TG: variants seen among roughly 807,000 people sequenced by gnomAD.
TG encodes the protein thyroglobulin, also known as thyroid hormones.
In TG, 270 loss-of-function variants were observed where a neutral mutation model predicts 324.7. The observed-to-expected ratio is 0.83, with a 90% CI of 0.75 to 0.92. TG has a LOEUF of 0.92. Among genes scored for constraint, TG ranks in the 40% least tolerant of loss-of-function variants. The probability of loss-of-function intolerance (pLI) is 0.00; values close to 1 mark genes in which losing one functional copy is unlikely to be tolerated. For missense variants in TG, 3,591 were observed against 3,456.4 expected, an observed-to-expected ratio of 1.04 and a Z score of -0.98; for synonymous variants, 1,401 against 1,327.0, an observed-to-expected ratio of 1.06 and a Z score of -1.21.
At chr8:133,069,611 A>C (rs1843646888) in intron 41 of TG, among the ~76,000 whole-genome samples, 1 of 152,174 alleles carries the variant, frequency 6.6e-6, no homozygotes, top group African/African-American at 2.4e-5. Flanking sequence ...CCCCTACTGG[A>C]CTATAAGTGC....
At position 132,888,407 on chromosome 8, in the gene TG, T is replaced by C; in HGVS notation, c.2600T>C (p.Leu867Pro). The change falls in exon 10 of 48, where the codon CTC becomes CCC. Residue 867 changes from leucine (L) to proline (P), a missense_variant. By Grantham distance (98) the Leu-to-Pro change is moderately conservative (BLOSUM62 -3). Transcript: ENST00000220616. ...PRENILLEPY[L>P]FWQILNGQLS... ...GAGAATATCCTCCTGGAGCCCTACC[T>C]CTTCTGGCAGATCTTAAATGGCCAA... 1 of 1,613,778 alleles carries C rather than the reference T, an allele frequency of 6.2e-7. No homozygotes were observed. Among genetic ancestry groups the C allele is most frequent in the Non-Finnish European group, 8.5e-7 (1 of 1,179,760 alleles).
intron 24 of TG, among the ~76,000 whole-genome samples, chr8:132,935,194 A>G (rs190189654): frequency 6.7e-6 from 1 of 149,564 alleles, no homozygotes; most frequent in Non-Finnish European, 1.5e-5. Context: ...AGGCTGGAGT[A>G]CAGTGGTGCA....
intron 11 of TG, among the ~76,000 whole-genome samples, chr8:132,895,587 G>T (rs912979245): frequency 1.3e-5 from 2 of 152,190 alleles, no homozygotes; most frequent in African/African-American, 2.4e-5. Flanking sequence ...CATCCTTATT[G>T]CTTTCTTCCT....
At chr8:132,984,045 G>A (rs1272521074) in intron 35 of TG, among the ~76,000 whole-genome samples, 2 of 152,234 alleles carry the variant, frequency 1.3e-5, no homozygotes, top group African/African-American at 4.8e-5. Context: ...ATGGGGGTGA[G>A]GTGGAGGGGT....
At chr8:133,057,643 G>A (rs1214930691) in intron 41 of TG, among the ~76,000 whole-genome samples, 1 of 152,106 alleles carries the variant, frequency 6.6e-6, no homozygotes, top group Non-Finnish European at 1.5e-5. Context: ...AGCTCAGTGA[G>A]GGCCTTCTGC....
chr8:133,116,517 A>C (rs1850703940), intron 44 of TG, 92 bp from the exon 45 acceptor site: 3 of 1,201,214 alleles, frequency 2.5e-6, no homozygotes, highest in South Asian at 1.2e-5. Context: ...TTGGGGGCCC[A>C]GGGGGCCCCT....
chr8:132,953,468 A>G (rs1826401021), intron 27 of TG, among the ~76,000 whole-genome samples: 1 of 152,228 alleles, frequency 6.6e-6, no homozygotes, highest in Admixed American at 6.5e-5. Flanking sequence ...ACCTTAGTGG[A>G]CTGACAGGGA....
Position 132,886,885 on chromosome 8 carries a change from G to C in TG, c.1513G>C (p.Gly505Arg), listed in dbSNP as rs1587248390. 6.2e-7 allele frequency: 1 copy of C among 1,614,110 alleles called. No homozygotes were observed. Among genetic ancestry groups the C allele is most frequent in the East Asian group, 2.2e-5 (1 of 44,872 alleles). Residue 505 changes from glycine to arginine, a missense_variant, in exon 9 of 48, where the codon GGT becomes CGT. Physicochemically the swap from Gly to Arg is moderately radical, Grantham distance 125. Transcript: ENST00000220616. Reference protein sequence around the residue: ...FNFSQFFQQLGLASFLNGGRQ... With the variant: ...FNFSQFFQQLRLASFLNGGRQ... ...CTTCAGTCAATTTTTCCAGCAACTT[G>C]GTCTTGCAAGCTTCTTGAATGGAGG...
In TG at chr8:132,866,981, T is replaced by A. The variant is rs557028834; in HGVS notation, c.-20T>A. The A allele has an allele frequency of 1.9e-6, 3 of 1,578,886 alleles. No homozygotes were observed. Among genetic ancestry groups the A allele is most frequent in the East Asian group, 2.3e-5 (1 of 43,212 alleles). On this transcript the variant is annotated 5_prime_UTR_variant, in exon 1 of 48. Transcript: ENST00000220616. ...GCAAGCAGTGGTTTCTCCTCCTTCC[T>A]CCCAGGAAGGGCCAGGAAAATGGCC...
intron 2 of TG, among the ~76,000 whole-genome samples, chr8:132,868,844 G>T (rs1384612281): frequency 1.3e-5 from 2 of 152,196 alleles, no homozygotes; most frequent in Non-Finnish European, 2.9e-5. Flanking sequence ...GAATAGACAG[G>T]AATCCTTTGC....
At chr8:133,128,514 G>C (rs1002171357) in intron 45 of TG, among the ~76,000 whole-genome samples, 3 of 152,018 alleles carry the variant, frequency 2.0e-5, no homozygotes. Flanking sequence ...ACACCCACTC[G>C]ATCTATGAGC....
intron 28 of TG, 24 bp from the exon 29 acceptor site, chr8:132,962,970 A>C: frequency 6.2e-7 from 1 of 1,611,768 alleles, no homozygotes; most frequent in Non-Finnish European, 8.5e-7. Context: ...CCAACATTGC[A>C]ACAACTCTTT....
chr8:132,988,637 T>A (rs141532260), intron 35 of TG: 2 of 904,442 alleles, frequency 2.2e-6, no homozygotes, highest in Non-Finnish European at 2.6e-6. Context: ...GGATAAAAAT[T>A]GTTTTATAAA....
chr8:132,897,902 T>A, intron 12 of TG, 116 bp downstream of exon 12: 1 of 1,312,866 alleles, frequency 7.6e-7, no homozygotes, highest in Non-Finnish European at 1.1e-6. Flanking sequence ...CTTTAGCAGC[T>A]GGTGAAAAAT....
chr8:133,049,405 A>G lies in TG; in HGVS notation c.7239+19382A>G, dbSNP rs57477851. On this transcript the variant is annotated intron_variant, in intron 41 of 47. Transcript: ENST00000220616. ...CTCCAAGAACTACACATGTATCATT[A>G]CATCTTATTCTCCTAACAACCCTAC... 1,589 of 296,888 alleles carry G rather than the reference A, an allele frequency of 5.4e-3. 22 individuals are homozygous for G. Among genetic ancestry groups the G allele is most frequent in the African/African-American group, 0.031 (1,453 of 46,214 alleles). 18.4% of individuals were successfully genotyped at this position (296,888 alleles called of 1,614,324 possible).
Position 132,948,931 on chromosome 8 carries a change from G to T in TG, c.5389G>T (p.Glu1797Ter), listed in dbSNP as rs1464861162. The change falls in exon 27 of 48, where the codon GAG (glutamate) becomes TAG (stop). Residue 1797 changes from glutamate to a stop codon, truncating the protein, a stop_gained. Coordinates refer to ENST00000220616, the MANE Select transcript of TG (RefSeq NM_003235.5). LOFTEE classifies it high-confidence loss of function. Reference sequence around the variant, plus strand: ...GGTGATATTGCGTCTTGGAGACCAGGAGTTCATCAAGAGTAAGTCTTTGCC... The same window carrying T: ...GGTGATATTGCGTCTTGGAGACCAGTAGTTCATCAAGAGTAAGTCTTTGCC... ...HQVILRLGDQEFIKSLTPLEG... is the reference protein window; with the variant it reads ...HQVILRLGDQ 2 of 1,613,636 alleles carry T rather than the reference G, an allele frequency of 1.2e-6. No individual in the cohort carries two copies. Among genetic ancestry groups the T allele is most frequent in the Admixed American group, 1.7e-5 (1 of 60,020 alleles).
chr8:132,996,167 T>A (rs183708837), intron 35 of TG, among the ~76,000 whole-genome samples: 1 of 152,128 alleles, frequency 6.6e-6, no homozygotes, highest in African/African-American at 2.4e-5. Flanking sequence ...CTCTGCATGA[T>A]AGTAATTAAG....
At chr8:133,123,661 C>G (rs2131813139) in intron 45 of TG, among the ~76,000 whole-genome samples, 1 of 152,356 alleles carries the variant, frequency 6.6e-6, no homozygotes, top group South Asian at 2.1e-4. Flanking sequence ...AGAGCCCCAT[C>G]TGTGTCCTCT....
intron 41 of TG, chr8:133,037,700 C>T (rs139915441): frequency 1.3e-5 from 2 of 151,590 alleles, no homozygotes; most frequent in Non-Finnish European, 2.9e-5. Context: ...CCTATTCGGG[C>T]AATAAATGAA....
Sources: gnomAD v4.1 joint callset for allele counts (sites outside exome capture counted in the v4.1 genomes callset) on GRCh38, gnomAD v4.1.1 for gene constraint, MANE v1.5 for transcripts, NCBI Gene and HGNC (gene_info 2026-07-23, HGNC 2026-07-21) for gene names.